The following HIVEP3 variants were observed in gnomAD, a reference collection of about 807,000 sequenced individuals.
The protein encoded by HIVEP3 is transcription factor HIVEP3.
In HIVEP3, 49 loss-of-function variants were observed where a neutral mutation model predicts 152.8. That is an observed-to-expected ratio of 0.32 (90% confidence interval 0.26 to 0.41). HIVEP3 has a LOEUF of 0.41. HIVEP3 is among the 10% of genes least tolerant of loss of function. HIVEP3 has a pLI of 1.00. For missense variants in HIVEP3, 2,790 were observed against 3,103.3 expected (o/e 0.90, Z 2.40); for synonymous variants, 1,269 against 1,289.0 (o/e 0.98, Z 0.33).
In HIVEP3 at chr1:41,509,235, G is replaced by A. The variant is rs1012899168; in HGVS notation, c.*1216C>T. 7 of 152,176 alleles carry A rather than the reference G, an allele frequency of 4.6e-5. No individual in the cohort carries two copies. Among genetic ancestry groups the A allele is most frequent in the Non-Finnish European group, 8.8e-5 (6 of 68,058 alleles). The allele number at this position is 152,176 out of a possible 1,614,324, so 9.4% of individuals were successfully genotyped here. Reference sequence around the variant, plus strand: ...CATCCTCTCTCTTTTTAAAAAAGAGGTGTAAGACAGCAAACAGGTCCAGGC... The same window carrying A: ...CATCCTCTCTCTTTTTAAAAAAGAGATGTAAGACAGCAAACAGGTCCAGGC... On this transcript the variant is annotated 3_prime_UTR_variant, in exon 9 of 9. Coordinates refer to ENST00000372583, the MANE Select transcript of HIVEP3 (RefSeq NM_024503.5).
In HIVEP3 at chr1:41,510,153, G is replaced by A. The variant is rs908871981; in HGVS notation, c.*298C>T. On this transcript the variant is annotated 3_prime_UTR_variant, in exon 9 of 9. Coordinates refer to ENST00000372583, the MANE Select transcript of HIVEP3 (RefSeq NM_024503.5). ...CAACCACAGCGGGGAGGGTCAGGAG[G>A]CTTCACCATCAGCCTTTCCCCAAAA... 3.7e-6 allele frequency: 1 copy of A among 273,138 alleles called. No individual in the cohort carries two copies. The highest frequency in any genetic ancestry group is 6.8e-6 in the Non-Finnish European group (1 of 147,546). The allele number at this position is 273,138 out of a possible 1,614,324, so 16.9% of individuals were successfully genotyped here.
Position 41,580,321 on chromosome 1 carries a change from T to C in HIVEP3, c.4477A>G (p.Arg1493Gly). The C allele has an allele frequency of 6.2e-7, 1 of 1,614,228 alleles. No individual in the cohort carries two copies. ...CTGGACAGCATTTCTAGCTCCCTCCTGCCTTGGCCCTGGTTGCCTAAGTGG... is the reference window on the plus strand; with the variant it reads ...CTGGACAGCATTTCTAGCTCCCTCCCGCCTTGGCCCTGGTTGCCTAAGTGG... The part of the protein sequence containing the change: ...KSHLGNQGQG[R>G]RELEMLSSLS... Residue 1493 changes from arginine (R) to glycine (G), a missense_variant, in exon 4 of 9, where the codon AGG (arginine) becomes GGG (glycine). Around this residue, in one of 9 missense-constraint regions of HIVEP3, gnomAD observed 1,078 missense variants for 1,165.3 expected, o/e 0.93. Coordinates refer to ENST00000372583, the MANE Select transcript of HIVEP3 (RefSeq NM_024503.5).
intron 3 of HIVEP3, among the ~76,000 whole-genome samples, chr1:41,594,637 T>C (rs1186900866): frequency 1.3e-5 from 2 of 152,248 alleles, no homozygotes; most frequent in South Asian, 2.1e-4. Context: ...ATAAACTCTT[T>C]TGATATTGAA....
intron 2 of HIVEP3, among the ~76,000 whole-genome samples, chr1:41,631,055 G>A (rs541232260): frequency 9.8e-5 from 15 of 152,346 alleles, no homozygotes; most frequent in African/African-American, 3.4e-4. Context: ...CCAGGCTGTT[G>A]TAAGGATCAA....
chr1:41,802,976 G>T (rs536023758), intron 1 of HIVEP3, among the ~76,000 whole-genome samples: 1 of 152,286 alleles, frequency 6.6e-6, no homozygotes, highest in South Asian at 2.1e-4. Flanking sequence ...GAAGCAGCTG[G>T]CAGGGTGCCC....
At chr1:41,663,528 A>T (rs140533925) in intron 2 of HIVEP3, among the ~76,000 whole-genome samples, 1 of 152,226 alleles carries the variant, frequency 6.6e-6, no homozygotes, top group Non-Finnish European at 1.5e-5. Context: ...CTCTAGGCCC[A>T]AAGGGCGGAT....
chr1:41,825,169 G>A (rs888405264), intron 1 of HIVEP3, among the ~76,000 whole-genome samples: 12 of 152,234 alleles, frequency 7.9e-5, no homozygotes, highest in African/African-American at 2.6e-4. Context: ...TGGGATAGGC[G>A]TTGGAGTTAC....
chr1:41,671,665 A>G (rs1258132446), intron 2 of HIVEP3, among the ~76,000 whole-genome samples: 1 of 152,210 alleles, frequency 6.6e-6, no homozygotes, highest in Non-Finnish European at 1.5e-5. Context: ...GACCTCCTGG[A>G]CAGGAGTGGC....
chr1:41,716,018 T>C (rs1481698129), intron 1 of HIVEP3, among the ~76,000 whole-genome samples: 3 of 152,092 alleles, frequency 2.0e-5, no homozygotes, highest in Non-Finnish European at 4.4e-5. Context: ...AAGGAAGAGT[T>C]TGAGGTAGTC....
intron 2 of HIVEP3, among the ~76,000 whole-genome samples, chr1:41,673,828 C>T (rs1427261835): frequency 6.6e-6 from 1 of 152,134 alleles, no homozygotes; most frequent in Non-Finnish European, 1.5e-5. Flanking sequence ...CTGGCCAAGT[C>T]CTGGTGGTGA....
intron 1 of HIVEP3, among the ~76,000 whole-genome samples, chr1:41,703,427 G>C (rs1646391006): frequency 6.6e-6 from 1 of 152,220 alleles, no homozygotes; most frequent in African/African-American, 2.4e-5. Context: ...ATCCCAGACT[G>C]CATGCGTCCG....
intron 5 of HIVEP3, among the ~76,000 whole-genome samples, chr1:41,547,526 C>T (rs1174553912): frequency 6.6e-6 from 1 of 152,032 alleles, no homozygotes; most frequent in Non-Finnish European, 1.5e-5. Context: ...TGGGATCCAC[C>T]GAGGGAATGG....
intron 1 of HIVEP3, among the ~76,000 whole-genome samples, chr1:41,830,109 A>G (rs1354750503): frequency 3.3e-5 from 5 of 152,228 alleles, no homozygotes; most frequent in Non-Finnish European, 7.3e-5. Flanking sequence ...AGTGACCATC[A>G]TATCCATCAC....
intron 1 of HIVEP3, among the ~76,000 whole-genome samples, chr1:41,936,413 C>A (rs1645020815): frequency 6.6e-6 from 1 of 152,166 alleles, no homozygotes; most frequent in Admixed American, 6.5e-5. Flanking sequence ...TTTCCACACA[C>A]CTGTAATCCA....
intron 1 of HIVEP3, among the ~76,000 whole-genome samples, chr1:41,824,804 GAGAGAGAGAGAGAGAA>G (rs778530251): frequency 0.23 from 5,240 of 23,098 alleles, 276 homozygotes; most frequent in East Asian, 0.41. Flanking sequence ...GAGAGAGAGA[GAGAGAGAGAGAGAGAA>G]AGAGAGAGAG....
chr1:41,849,681 G>C (rs965725341), intron 1 of HIVEP3, among the ~76,000 whole-genome samples: 3 of 151,842 alleles, frequency 2.0e-5, no homozygotes, highest in Non-Finnish European at 4.4e-5. Flanking sequence ...GGATCCATCA[G>C]TGGTAGACCC....
chr1:41,988,667 A>G (rs770171806), intron 1 of HIVEP3, among the ~76,000 whole-genome samples: 5 of 152,206 alleles, frequency 3.3e-5, no homozygotes, highest in Non-Finnish European at 7.3e-5. Context: ...AGTTCCTCAA[A>G]AAATTACAAC....
At chr1:41,939,737 T>A (rs72949478) in intron 1 of HIVEP3, among the ~76,000 whole-genome samples, 5,564 of 152,192 alleles carry the variant, frequency 0.037, 317 homozygotes, top group African/African-American at 0.13. Context: ...ACAAAGATTT[T>A]ATAGCTGGAA....
intron 1 of HIVEP3, among the ~76,000 whole-genome samples, chr1:41,874,734 C>T (rs1411470351): frequency 1.3e-5 from 2 of 152,192 alleles, no homozygotes; most frequent in Non-Finnish European, 2.9e-5. Context: ...CACTCAGTCC[C>T]ATGGCTGATT....
Sources: allele counts gnomAD v4.1 joint callset (sites outside exome capture counted in the v4.1 genomes callset), GRCh38; gene constraint gnomAD v4.1.1; regional missense constraint gnomAD v4.1.1; transcripts MANE v1.5; gene names NCBI Gene and HGNC (gene_info 2026-07-23, HGNC 2026-07-21).